The following WIPF2 variants were observed in gnomAD, a reference collection of about 807,000 sequenced individuals.
WIPF2 encodes the protein WAS/WASL-interacting protein family member 2.
Under a neutral mutation model 38.8 loss-of-function variants are expected in WIPF2, and 23 were observed. The ratio of observed to expected loss-of-function variants is 0.59; its 90% CI spans 0.43 to 0.84. WIPF2 has a LOEUF of 0.84. Ranked by LOEUF, WIPF2 falls within the 40% of genes least tolerant of loss-of-function variation. The pLI, the probability that WIPF2 is intolerant of heterozygous loss-of-function variation, is 0.00. For synonymous variants in WIPF2, 210 were observed against 223.2 expected, an observed-to-expected ratio of 0.94 and a Z score of 0.53; for missense variants, 574 against 580.5, an observed-to-expected ratio of 0.99 and a Z score of 0.11.
chr17:40,273,858 C>T lies in WIPF2; in HGVS notation c.1039C>T (p.Arg347Ter), dbSNP rs778422390. ...TGCTCCCCCTCCCCCACCACCATACCGAATGCATGGGTCAGAACCCCCGAG... is the reference window on the plus strand; with the variant it reads ...TGCTCCCCCTCCCCCACCACCATACTGAATGCATGGGTCAGAACCCCCGAG... ...RDAPPPPPPY[R>*]MHGSEPPSRG... is the part of the protein sequence containing the mutation. The change falls in exon 6 of 8, where the codon CGA becomes TGA. Residue 347 changes from arginine (R) to a stop codon, truncating the protein, a stop_gained. Coordinates refer to ENST00000323571, the MANE Select transcript of WIPF2 (RefSeq NM_133264.5). LOFTEE classifies it high-confidence loss of function. The T allele has an allele frequency of 3.8e-6, 6 of 1,580,280 alleles. No individual in the cohort carries two copies. Among genetic ancestry groups the T allele is most frequent in the Non-Finnish European group, 5.2e-6 (6 of 1,155,596 alleles).
chr17:40,284,129 T>A lies in WIPF2; in HGVS notation c.*5904T>A, dbSNP rs1416228401. On this transcript the variant is annotated 3_prime_UTR_variant, in exon 8 of 8. Transcript: ENST00000323571. ...TATGGTTAATAAACTACCTATTTAT[T>A]GATTGAATTGTTCCTCCTGACTTGA... 1 of 152,224 alleles carries A rather than the reference T, an allele frequency of 6.6e-6. No homozygotes were observed. The highest frequency in any genetic ancestry group is 1.5e-5 in the Non-Finnish European group (1 of 68,036). The allele number at this position is 152,224 out of a possible 1,614,324, so 9.4% of individuals were successfully genotyped here.
intron 2 of WIPF2, among the ~76,000 whole-genome samples, chr17:40,258,970 C>T (rs1202064784): frequency 6.9e-5 from 9 of 130,918 alleles, no homozygotes; most frequent in Non-Finnish European, 1.1e-4. Flanking sequence ...TTTTTTAGGC[C>T]GGGTGCAGTG....
In WIPF2 at chr17:40,278,275, C is replaced by G; in HGVS notation, c.*50C>G. 6.3e-7 allele frequency: 1 copy of G among 1,596,278 alleles called. No individual in the cohort carries two copies. The highest frequency in any genetic ancestry group is 8.6e-7 in the Non-Finnish European group (1 of 1,167,314). On this transcript the variant is annotated 3_prime_UTR_variant, in exon 8 of 8. Coordinates refer to ENST00000323571, the MANE Select transcript of WIPF2 (RefSeq NM_133264.5). ...GGAAAAGGATGGACCTTCTCTTCTTCTCAGATGGTCCCTTCCATTCCCCTG... is the reference window on the plus strand; with the variant it reads ...GGAAAAGGATGGACCTTCTCTTCTTGTCAGATGGTCCCTTCCATTCCCCTG...
intron 1 of WIPF2, among the ~76,000 whole-genome samples, chr17:40,256,097 A>G (rs964545916): frequency 1.6e-5 from 2 of 121,540 alleles, no homozygotes; most frequent in African/African-American, 6.8e-5. Flanking sequence ...CAGGGTCTTT[A>G]AAAAAAAAAA....
intron 5 of WIPF2, among the ~76,000 whole-genome samples, chr17:40,271,827 T>C (rs2032258758): frequency 6.6e-6 from 1 of 152,202 alleles, no homozygotes; most frequent in Non-Finnish European, 1.5e-5. Context: ...TGGTAGCTGC[T>C]ATTATTGTTA....
chr17:40,220,631 A>ATATATATATATATATATT (rs1567705944), intron 1 of WIPF2: 1 of 123,990 alleles, frequency 8.1e-6, no homozygotes, highest in African/African-American at 3.2e-5. Flanking sequence ...ATATATATAT[A>ATATATATATATATATATT]TTTTTTTGTT....
At chr17:40,276,742 G>A (rs1022470189) in intron 6 of WIPF2, among the ~76,000 whole-genome samples, 11 of 151,890 alleles carry the variant, frequency 7.2e-5, no homozygotes, top group Admixed American at 2.0e-4. Flanking sequence ...GTGAAACCCC[G>A]TCTCTACTAA....
chr17:40,264,460 G>T (rs769822431), intron 4 of WIPF2, 30 bp from the exon 5 acceptor site: 12 of 1,610,976 alleles, frequency 7.4e-6, no homozygotes, highest in African/African-American at 6.7e-5. Flanking sequence ...GTCCAGCTCT[G>T]TTGACCCTGT....
chr17:40,261,208 T>C (rs1356852686), intron 3 of WIPF2, among the ~76,000 whole-genome samples: 2 of 151,940 alleles, frequency 1.3e-5, no homozygotes, highest in Non-Finnish European at 2.9e-5. Context: ...CTCTGGAGAG[T>C]GCTCACGTAT....
chr17:40,244,225 G>A (rs1250333764), intron 1 of WIPF2, among the ~76,000 whole-genome samples: 1 of 152,170 alleles, frequency 6.6e-6, no homozygotes, highest in Non-Finnish European at 1.5e-5. Context: ...ATGGAGGCAA[G>A]TTTTTCATTC....
intron 2 of WIPF2, among the ~76,000 whole-genome samples, chr17:40,259,651 G>A (rs1196848332): frequency 6.6e-6 from 1 of 152,210 alleles, no homozygotes; most frequent in Admixed American, 6.6e-5. Flanking sequence ...TAGGGAGACA[G>A]TAGGGTATGT....
rs528401568 is a variant in WIPF2, at chr17:40,277,723, C to CTTTTTTT, written c.1283-449_1283-443dup. Among the ~76,000 whole-genome samples, 37 of 97,610 alleles carry CTTTTTTT rather than the reference C, an allele frequency of 3.8e-4. 3 individuals carry two copies. The highest frequency in any genetic ancestry group is 1.7e-3 in the African/African-American group (31 of 17,932). 64.0% of individuals were successfully genotyped at this position (97,610 alleles called of 152,430 possible). A position where few individuals can be genotyped will look rare whatever the true frequency, so the allele number is the denominator to read the frequency against. On this transcript the variant is annotated intron_variant, in intron 7 of 7. Transcript: ENST00000323571. ...ATTGCTTCTCATCATCTTCGTTGTC[C>CTTTTTTT]TTTTTTTTTTTTTTTTTTTGAGATA... is the stretch of plus-strand genomic sequence containing the variant.
intron 5 of WIPF2, 116 bp downstream of exon 5, chr17:40,265,262 C>T: frequency 7.9e-7 from 1 of 1,268,534 alleles, no homozygotes; most frequent in Non-Finnish European, 1.1e-6. Context: ...TATTGAGTAC[C>T]TTTTTATGTG....
chr17:40,220,616 TATGTATATATATATA>T (rs2030181867), intron 1 of WIPF2: 5 of 112,826 alleles, frequency 4.4e-5, no homozygotes, highest in Admixed American at 1.9e-4. Flanking sequence ...TATATATATA[TATGTATATATATATA>T]TTTTTTTGTT....
intron 5 of WIPF2, among the ~76,000 whole-genome samples, chr17:40,269,905 A>G (rs1159190968): frequency 2.6e-5 from 4 of 151,614 alleles, no homozygotes; most frequent in Non-Finnish European, 1.5e-5. Context: ...GCACCCGCCA[A>G]CACTGTCCAT....
At chr17:40,224,231 C>CTTTT (rs57637591) in intron 1 of WIPF2, among the ~76,000 whole-genome samples, 22 of 110,150 alleles carry the variant, frequency 2.0e-4, no homozygotes, top group Non-Finnish European at 2.6e-4. Context: ...CTTTTCTTTT[C>CTTTT]TTTTTTTTTT....
At chr17:40,242,403 TTG>T (rs2031220296) in intron 1 of WIPF2, among the ~76,000 whole-genome samples, 2 of 149,734 alleles carry the variant, frequency 1.3e-5, no homozygotes, top group Non-Finnish European at 2.9e-5. Flanking sequence ...AAATTTTTTG[TTG>T]TTGTTGTTGT....
intron 2 of WIPF2, among the ~76,000 whole-genome samples, chr17:40,258,576 G>A (rs983970051): frequency 6.6e-6 from 1 of 151,982 alleles, no homozygotes; most frequent in African/African-American, 2.4e-5. Context: ...GGATGACAGA[G>A]CGAGACTCTG....
chr17:40,228,461 A>G (rs1286460900), intron 1 of WIPF2, among the ~76,000 whole-genome samples: 2 of 152,160 alleles, frequency 1.3e-5, no homozygotes, highest in African/African-American at 4.8e-5. Context: ...GGCTCTTTGC[A>G]TATATGACTG....
Sources: gnomAD v4.1 joint callset for allele counts (sites outside exome capture counted in the v4.1 genomes callset) on GRCh38, gnomAD v4.1.1 for gene constraint, MANE v1.5 for transcripts, NCBI Gene and HGNC (gene_info 2026-07-23, HGNC 2026-07-21) for gene names.